RAPGEF4: variants seen among roughly 807,000 people sequenced by gnomAD.
RAPGEF4 encodes the protein Rap guanine nucleotide exchange factor 4.
In RAPGEF4, 66 loss-of-function variants were observed where a neutral mutation model predicts 147.9. The ratio of observed to expected loss-of-function variants is 0.45; its 90% CI spans 0.37 to 0.55. The LOEUF (loss-of-function observed/expected upper bound fraction) is 0.55. RAPGEF4 is among the 20% of genes least tolerant of loss of function. The probability of loss-of-function intolerance (pLI) is 0.00; values close to 1 mark genes in which losing one functional copy is unlikely to be tolerated. For missense variants in RAPGEF4, 1,071 were observed against 1,257.3 expected (o/e 0.85, Z 2.24); for synonymous variants, 419 against 442.7 (o/e 0.95, Z 0.67).
chr2:172,897,740 T>TTTTATTTTA (rs1553523303), intron 4 of RAPGEF4, among the ~76,000 whole-genome samples: 1 of 148,864 alleles, frequency 6.7e-6, no homozygotes, highest in Non-Finnish European at 1.5e-5. Context: ...ATCTATTTTA[T>TTTTATTTTA]TTTATTTTAT....
intron 29 of RAPGEF4, among the ~76,000 whole-genome samples, chr2:173,038,739 CATAAAATAAA>C (rs199957774): frequency 2.2e-4 from 34 of 152,120 alleles, no homozygotes; most frequent in Middle Eastern, 3.4e-3. Flanking sequence ...TATCCTGGAA[CATAAAATAAA>C]ATAAAATAAA....
chr2:172,941,927 A>T (rs867349363), intron 6 of RAPGEF4, among the ~76,000 whole-genome samples: 2 of 152,036 alleles, frequency 1.3e-5, no homozygotes, highest in Non-Finnish European at 2.9e-5. Flanking sequence ...CTCAACAAGT[A>T]TTTTTTTATT....
chr2:172,965,810 G>A, intron 9 of RAPGEF4, 127 bp downstream of exon 9: 6 of 1,195,148 alleles, frequency 5.0e-6, no homozygotes, highest in South Asian at 1.4e-5. Flanking sequence ...TGCAGAGCTA[G>A]CATCTTCATT....
rs367670143 is a variant in RAPGEF4 at position 172,891,620 on chromosome 2, GA to G, written c.445-26180del. ...TGCGTGGTGGGATCAGAGGCAGATG[GA>G]AGGGGACATAGATGGGTGCACGTGC... On this transcript the variant is annotated intron_variant, in intron 4 of 30. Transcript: ENST00000397081. Among the ~76,000 whole-genome samples the G allele has an allele frequency of 3.4e-3, 512 of 152,326 alleles. 4 individuals are homozygous for G. Among genetic ancestry groups the G allele is most frequent in the African/African-American group, 0.011 (476 of 41,580 alleles).
intron 6 of RAPGEF4, among the ~76,000 whole-genome samples, chr2:172,956,485 T>G (rs1688745879): frequency 1.3e-5 from 2 of 151,194 alleles, no homozygotes; most frequent in African/African-American, 4.9e-5. Flanking sequence ...TTTTTTTTTT[T>G]TTGAGATGGA....
chr2:172,909,961 G>T (rs778747988), intron 4 of RAPGEF4, among the ~76,000 whole-genome samples: 7 of 152,168 alleles, frequency 4.6e-5, no homozygotes, highest in Non-Finnish European at 7.4e-5. Flanking sequence ...CGCTGCATGG[G>T]ATAATCAAAG....
rs572913483 is a variant in RAPGEF4, at chr2:172,965,492, A to G, written c.699-70A>G. ...AAGCCCTTTGGTAGGTTTTCCTCTCAAAAGCCATCTCCCATCCTCTATCTG... is the reference window on the plus strand; with the variant it reads ...AAGCCCTTTGGTAGGTTTTCCTCTCGAAAGCCATCTCCCATCCTCTATCTG... On this transcript the variant is annotated intron_variant, in intron 8 of 30. Transcript: ENST00000397081. 7.5e-5 allele frequency: 116 copies of G among 1,542,312 alleles called. 1 individual carries two copies. The South Asian group carries it at 1.3e-3, about 17-fold the overall frequency.
intron 16 of RAPGEF4, among the ~76,000 whole-genome samples, chr2:172,997,225 C>T (rs183813225): frequency 5.9e-5 from 9 of 152,254 alleles, no homozygotes; most frequent in Non-Finnish European, 1.5e-5. Flanking sequence ...ATGCATCATC[C>T]GGATCTCTGC....
chr2:172,941,557 A>G (rs1343313143), intron 6 of RAPGEF4, among the ~76,000 whole-genome samples: 1 of 152,194 alleles, frequency 6.6e-6, no homozygotes, highest in African/African-American at 2.4e-5. Context: ...CACTTGATAA[A>G]ATGCTTTTTT....
chr2:172,749,698 C>T (rs1467650306), intron 1 of RAPGEF4, among the ~76,000 whole-genome samples: 1 of 152,242 alleles, frequency 6.6e-6, no homozygotes, highest in South Asian at 2.1e-4. Context: ...CAAATTTCTG[C>T]AGCCAGCATG....
At chr2:172,790,232 G>T (rs1248615746) in intron 1 of RAPGEF4, among the ~76,000 whole-genome samples, 1 of 151,918 alleles carries the variant, frequency 6.6e-6, no homozygotes, top group South Asian at 2.1e-4. Context: ...ATATCCGTTG[G>T]CCATTTGTAT....
intron 3 of RAPGEF4, among the ~76,000 whole-genome samples, chr2:172,803,127 C>T (rs1055117810): frequency 6.6e-6 from 1 of 152,152 alleles, no homozygotes; most frequent in Non-Finnish European, 1.5e-5. Context: ...ATTCTGGTAT[C>T]TGGAGGATAC....
chr2:172,780,305 G>A (rs930256359), intron 1 of RAPGEF4, among the ~76,000 whole-genome samples: 6 of 152,210 alleles, frequency 3.9e-5, no homozygotes, highest in African/African-American at 1.4e-4. Flanking sequence ...ACATTTTAGA[G>A]AAGGATAATA....
At chr2:172,888,866 G>A (rs1697552291) in intron 4 of RAPGEF4, among the ~76,000 whole-genome samples, 1 of 152,162 alleles carries the variant, frequency 6.6e-6, no homozygotes, top group Non-Finnish European at 1.5e-5. Flanking sequence ...TTAACTGCTG[G>A]ATGCTTCATG....
chr2:172,961,203 A>G lies in RAPGEF4; in HGVS notation c.673A>G (p.Arg225Gly). The G allele has an allele frequency of 1.2e-6, 2 of 1,608,080 alleles. No homozygotes were observed. Among genetic ancestry groups the G allele is most frequent in the East Asian group, 2.2e-5 (1 of 44,846 alleles). Residue 225 changes from arginine (R) to glycine (G), a missense_variant, in exon 8 of 31, where the codon AGA becomes GGA. Transcript: ENST00000397081. ...LSRAPHMIRD[R>G]KYHLKTYRQC... ...TCGAGCACCTCACATGATAAGAGAT[A>G]GAAAATACCACCTAAAGACATACAG...
intron 1 of RAPGEF4, among the ~76,000 whole-genome samples, chr2:172,751,425 A>G (rs961834980): frequency 6.6e-6 from 1 of 152,190 alleles, no homozygotes; most frequent in Admixed American, 6.5e-5. Context: ...CAGTGGTGAT[A>G]GAATAGGAGA....
chr2:172,758,061 G>A (rs1695944244), intron 1 of RAPGEF4, among the ~76,000 whole-genome samples: 1 of 152,184 alleles, frequency 6.6e-6, no homozygotes, highest in African/African-American at 2.4e-5. Flanking sequence ...AAAATCAGGA[G>A]TGCCAGTGGG....
chr2:172,813,541 T>A (rs1688217983), intron 3 of RAPGEF4, among the ~76,000 whole-genome samples: 1 of 152,132 alleles, frequency 6.6e-6, no homozygotes, highest in Admixed American at 6.5e-5. Context: ...ATAGTCAGAT[T>A]TGGTTAGAAT....
rs1414007445 is a variant in RAPGEF4 at position 173,000,746 on chromosome 2, CTTTCTTTTT to C, written c.1580-516_1580-508del. Among the ~76,000 whole-genome samples the C allele has an allele frequency of 6.9e-5, 5 of 72,828 alleles. No individual in the cohort carries two copies. In the South Asian group the frequency reaches 2.0e-3, roughly 29 times the overall value. 47.8% of individuals were successfully genotyped at this position (72,828 alleles called of 152,430 possible). On this transcript the variant is annotated intron_variant, in intron 16 of 30. Coordinates refer to ENST00000397081, the MANE Select transcript of RAPGEF4 (RefSeq NM_007023.4). ...CTTGTTTTCTTTCTTTCTTTTCTTT[CTTTCTTTTT>C]TTTTTTTTTTTGCTGCTTCTTTCTC...
Sources: gnomAD v4.1 joint callset for allele counts (sites outside exome capture counted in the v4.1 genomes callset) on GRCh38, gnomAD v4.1.1 for gene constraint, MANE v1.5 for transcripts, NCBI Gene and HGNC (gene_info 2026-07-23, HGNC 2026-07-21) for gene names.